The following HYCC1 variants were observed in gnomAD, a reference collection of about 807,000 sequenced individuals.
HYCC1 encodes hyccin.
chr7:22,925,942 G>A, the HYCC1 span, among the ~76,000 whole-genome samples: 3 of 152,196 alleles, frequency 2.0e-5, no homozygotes, highest in Non-Finnish European at 4.4e-5. Flanking sequence ...GAAAGGTCGG[G>A]TTACCCACAA....
the HYCC1 span, chr7:22,977,237 G>A: frequency 5.3e-6 from 4 of 752,180 alleles, no homozygotes; most frequent in African/African-American, 6.9e-5. Context: ...ACTTTTGCAG[G>A]TACTAATAAA....
At chr7:22,959,491 A>G in the HYCC1 span, among the ~76,000 whole-genome samples, 1 of 152,180 alleles carries the variant, frequency 6.6e-6, no homozygotes, top group Non-Finnish European at 1.5e-5. Flanking sequence ...GTAAAGAAGT[A>G]GCTTTTTGCT....
At chr7:22,937,984 G>A in the HYCC1 span, 1 of 152,122 alleles carries the variant, frequency 6.6e-6, no homozygotes, top group Non-Finnish European at 1.5e-5. Flanking sequence ...ACATAATATT[G>A]ACTTATAATC....
At chr7:22,907,083 TGACA>T in the HYCC1 span, among the ~76,000 whole-genome samples, 23 of 116,320 alleles carry the variant, frequency 2.0e-4, no homozygotes, top group African/African-American at 7.6e-4. Flanking sequence ...CCAGCCTGGG[TGACA>T]GAGTGAGACT....
chr7:22,924,628 C>T, the HYCC1 span, among the ~76,000 whole-genome samples: 3 of 152,236 alleles, frequency 2.0e-5, no homozygotes, highest in Admixed American at 2.0e-4. Flanking sequence ...GGCAGCAAGG[C>T]TGGGGGAGGG....
chr7:22,960,572 G>A, the HYCC1 span, among the ~76,000 whole-genome samples: 803 of 152,198 alleles, frequency 5.3e-3, 6 homozygotes, highest in Admixed American at 0.012. Context: ...GATAAGAATA[G>A]GAGGCTAAGA....
chr7:22,905,305 A>G, the HYCC1 span, among the ~76,000 whole-genome samples: 1 of 151,666 alleles, frequency 6.6e-6, no homozygotes, highest in African/African-American at 2.4e-5. Context: ...CCCAGGTTCA[A>G]GCGATTCTCC....
chr7:22,980,824 T>A, the HYCC1 span, among the ~76,000 whole-genome samples: 6 of 152,200 alleles, frequency 3.9e-5, no homozygotes, highest in African/African-American at 1.2e-4. Context: ...GCTGATTTCA[T>A]AACAGACTTA....
At chr7:22,997,916 T>C in the HYCC1 span, among the ~76,000 whole-genome samples, 1 of 152,162 alleles carries the variant, frequency 6.6e-6, no homozygotes, top group African/African-American at 2.4e-5. Flanking sequence ...CAAGGACAAA[T>C]AAGATCATGT....
chr7:22,997,789 C>G, the HYCC1 span, among the ~76,000 whole-genome samples: 9 of 152,134 alleles, frequency 5.9e-5, no homozygotes, highest in African/African-American at 2.2e-4. Context: ...TTCCAAAGGC[C>G]TATTACTTAG....
chr7:22,987,841 C>T, the HYCC1 span, among the ~76,000 whole-genome samples: 1 of 152,058 alleles, frequency 6.6e-6, no homozygotes, highest in East Asian at 1.9e-4. Flanking sequence ...TTTCAGTTCA[C>T]TTACTCAATC....
At chr7:22,902,841 T>C in the HYCC1 span, among the ~76,000 whole-genome samples, 1 of 152,120 alleles carries the variant, frequency 6.6e-6, no homozygotes, top group Non-Finnish European at 1.5e-5. Context: ...AAAATTTTAG[T>C]GACCTTGAGA....
At chr7:22,926,864 A>T in the HYCC1 span, among the ~76,000 whole-genome samples, 472 of 151,736 alleles carry the variant, frequency 3.1e-3, 3 homozygotes, top group African/African-American at 0.01. Context: ...CTCCACCCCA[A>T]ATCAACAGAA....
chr7:22,984,484 C>A, the HYCC1 span, among the ~76,000 whole-genome samples: 1 of 152,098 alleles, frequency 6.6e-6, no homozygotes. Flanking sequence ...CTTTGGGAGG[C>A]TGAAGCAGGA....
chr7:22,930,180 C>T, the HYCC1 span, among the ~76,000 whole-genome samples: 21 of 99,208 alleles, frequency 2.1e-4, no homozygotes, highest in East Asian at 5.1e-3. Context: ...CATCACACAC[C>T]GGGGACTGTT....
chr7:22,964,533 T>C, the HYCC1 span: 2 of 1,519,412 alleles, frequency 1.3e-6, no homozygotes, highest in Non-Finnish European at 9.1e-7. Flanking sequence ...ACACAGATTC[T>C]AGAAAAACCA....
At chr7:22,942,445 G>A in the HYCC1 span, 1 of 152,154 alleles carries the variant, frequency 6.6e-6, no homozygotes, top group Non-Finnish European at 1.5e-5. Context: ...GCCCTGGGTA[G>A]TCTGGGACAG....
chr7:22,956,681 G>C, the HYCC1 span, among the ~76,000 whole-genome samples: 38 of 151,752 alleles, frequency 2.5e-4, no homozygotes, highest in Non-Finnish European at 4.4e-4. Flanking sequence ...GATATACTGG[G>C]GGAGGCTATG....
At chr7:22,933,519 T>C in the HYCC1 span, among the ~76,000 whole-genome samples, 1 of 151,678 alleles carries the variant, frequency 6.6e-6, no homozygotes, top group Non-Finnish European at 1.5e-5. Context: ...GTTTGCATGG[T>C]ATAGCACTTT....
Sources: allele counts gnomAD v4.1 joint callset (sites outside exome capture counted in the v4.1 genomes callset), GRCh38; gene constraint gnomAD v4.1.1; transcripts MANE v1.5; gene names NCBI Gene and HGNC (gene_info 2026-07-23, HGNC 2026-07-21).